VWA8: variants seen among roughly 807,000 people sequenced by gnomAD.
VWA8 encodes von Willebrand factor A domain-containing protein 8.
A neutral mutation model predicts 241.5 loss-of-function variants in VWA8; 221 were observed. The observed-to-expected ratio is 0.91, with a 90% confidence interval of 0.82 to 1.02. VWA8 has a LOEUF of 1.02. VWA8 is among the 50% of genes least tolerant of loss of function. The probability of loss-of-function intolerance (pLI) is 0.00; values close to 1 mark genes in which losing one functional copy is unlikely to be tolerated. For missense variants in VWA8, 2,322 were observed against 2,328.7 expected, an observed-to-expected ratio of 1.00 and a Z score of 0.06; for synonymous variants, 852 against 827.1, an observed-to-expected ratio of 1.03 and a Z score of -0.52.
At chr13:41,956,481 C>T (rs1449419863) in intron 1 of VWA8, among the ~76,000 whole-genome samples, 1 of 152,160 alleles carries the variant, frequency 6.6e-6, no homozygotes, top group Non-Finnish European at 1.5e-5. Flanking sequence ...TTCTTGAATA[C>T]ACAATGGGGT....
chr13:41,804,980 C>T (rs1870119109), intron 17 of VWA8, among the ~76,000 whole-genome samples: 1 of 151,888 alleles, frequency 6.6e-6, no homozygotes, highest in Non-Finnish European at 1.5e-5. Context: ...TAAAGGAAGA[C>T]AGAAAGTAAG....
chr13:41,727,413 T>C (rs562998864), intron 23 of VWA8, 100 bp from the exon 24 acceptor site: 159 of 991,878 alleles, frequency 1.6e-4, no homozygotes, highest in East Asian at 2.6e-4. Context: ...TACTGTTCAA[T>C]TGTAAAAAGC....
chr13:41,874,840 T>G (rs553742028), intron 9 of VWA8, among the ~76,000 whole-genome samples: 1 of 152,200 alleles, frequency 6.6e-6, no homozygotes, highest in East Asian at 1.9e-4. Flanking sequence ...TCATAGCCCC[T>G]CAGCAACAAA....
In VWA8 at chr13:41,727,265, T is replaced by C. The variant is rs2045444053; in HGVS notation, c.2687A>G (p.Asp896Gly). 1 of 1,559,524 alleles carries C rather than the reference T, an allele frequency of 6.4e-7. No individual in the cohort carries two copies. Among genetic ancestry groups the C allele is most frequent in the African/African-American group, 1.4e-5 (1 of 73,526 alleles). ...GRENVVVIHP[D>G]FRMIVLANRP... Reference sequence around the variant, plus strand: ...ATTTGCCAGAACAATCATCCTAAAATCAGGATGAATCACTACAACATTTTC... The same window carrying C: ...ATTTGCCAGAACAATCATCCTAAAACCAGGATGAATCACTACAACATTTTC... Residue 896 changes from aspartate to glycine, a missense_variant, in exon 24 of 45, where the codon GAT becomes GGT. Physicochemically the swap from Asp to Gly is moderately conservative, Grantham distance 94. Transcript: ENST00000379310.
intron 7 of VWA8, 74 bp downstream of exon 7, chr13:41,886,707 T>C (rs1874556264): frequency 1.6e-6 from 2 of 1,224,892 alleles, no homozygotes; most frequent in East Asian, 2.4e-5. Context: ...ACTGAATTAA[T>C]TAATCAATCA....
chr13:41,813,024 A>G (rs1870538295), intron 16 of VWA8, among the ~76,000 whole-genome samples: 1 of 152,178 alleles, frequency 6.6e-6, no homozygotes, highest in South Asian at 2.1e-4. Flanking sequence ...TGGAACCACA[A>G]GTAGAACATG....
intron 14 of VWA8, among the ~76,000 whole-genome samples, chr13:41,827,090 T>G (rs945800222): frequency 2.0e-5 from 3 of 151,826 alleles, no homozygotes; most frequent in African/African-American, 7.3e-5. Flanking sequence ...ACATTGTAAT[T>G]ACTTATTTAC....
chr13:41,835,313 A>G (rs939743184), intron 12 of VWA8, among the ~76,000 whole-genome samples: 2 of 152,230 alleles, frequency 1.3e-5, no homozygotes, highest in South Asian at 4.1e-4. Context: ...TTGAATCATA[A>G]AGACCTTTGA....
At chr13:41,712,956 C>T (rs1183383691) in intron 26 of VWA8, among the ~76,000 whole-genome samples, 1 of 152,150 alleles carries the variant, frequency 6.6e-6, no homozygotes, top group African/African-American at 2.4e-5. Context: ...GTGTTGTCTA[C>T]CCTCACTTGA....
At chr13:41,659,381 G>A (rs1231206412) in intron 37 of VWA8, among the ~76,000 whole-genome samples, 5 of 152,106 alleles carry the variant, frequency 3.3e-5, no homozygotes, top group African/African-American at 1.2e-4. Context: ...CTTTCATATA[G>A]TGTTTTTATA....
intron 21 of VWA8, among the ~76,000 whole-genome samples, chr13:41,755,726 C>T (rs928868956): frequency 2.6e-5 from 4 of 151,758 alleles, no homozygotes; most frequent in Non-Finnish European, 5.9e-5. Context: ...TGAATACCAT[C>T]TTCTTTTTGC....
At chr13:41,644,900 T>C (rs1428543799) in intron 37 of VWA8, among the ~76,000 whole-genome samples, 1 of 152,246 alleles carries the variant, frequency 6.6e-6, no homozygotes, top group Non-Finnish European at 1.5e-5. Flanking sequence ...AAAACTGGTT[T>C]CATTATTTAT....
At chr13:41,653,390 C>T (rs753195276) in intron 37 of VWA8, among the ~76,000 whole-genome samples, 1 of 152,146 alleles carries the variant, frequency 6.6e-6, no homozygotes, top group Non-Finnish European at 1.5e-5. Flanking sequence ...CTACAAAATA[C>T]TGCTGAAAGA....
At position 41,648,680 on chromosome 13, in the gene VWA8, A is replaced by G. The variant is rs2139686128; in HGVS notation, c.4611+22266T>C. ...TCAAATACTTTACATACAGACCTACAAAAACTTTTTCATCTTCTCAGGAGA... is the reference window on the plus strand; with the variant it reads ...TCAAATACTTTACATACAGACCTACGAAAACTTTTTCATCTTCTCAGGAGA... On this transcript the variant is annotated intron_variant, in intron 37 of 44. Transcript: ENST00000379310. Among the ~76,000 whole-genome samples, 3 of 152,322 alleles carry G rather than the reference A, an allele frequency of 2.0e-5. No individual in the cohort carries two copies. The South Asian group carries it at 6.2e-4, about 32-fold the overall frequency.
At chr13:41,687,707 C>A (rs2045146254) in intron 34 of VWA8, among the ~76,000 whole-genome samples, 1 of 152,070 alleles carries the variant, frequency 6.6e-6, no homozygotes, top group Non-Finnish European at 1.5e-5. Context: ...CAGCACACTG[C>A]CTATTCTGTT....
chr13:41,824,684 A>C (rs1871106115), intron 14 of VWA8, among the ~76,000 whole-genome samples: 1 of 152,008 alleles, frequency 6.6e-6, no homozygotes, highest in African/African-American at 2.4e-5. Flanking sequence ...ATTTTTAATT[A>C]GTCTAGTGTG....
chr13:41,806,876 C>CAA (rs78099965), intron 17 of VWA8, among the ~76,000 whole-genome samples: 10 of 93,626 alleles, frequency 1.1e-4, no homozygotes, highest in Non-Finnish European at 1.6e-4. Flanking sequence ...GACTCCATCT[C>CAA]AAAAAAAAAA....
intron 3 of VWA8, among the ~76,000 whole-genome samples, chr13:41,909,017 A>G (rs528679235): frequency 6.6e-6 from 1 of 151,578 alleles, no homozygotes; most frequent in Admixed American, 6.6e-5. Flanking sequence ...GCCTGTCCCC[A>G]TGTTACATAA....
At chr13:41,634,058 C>CA (rs1455538346) in intron 37 of VWA8, among the ~76,000 whole-genome samples, 1 of 152,166 alleles carries the variant, frequency 6.6e-6, no homozygotes, top group Non-Finnish European at 1.5e-5. Context: ...TTAGGCAGCA[C>CA]AAACTTTGAG....
Sources: allele counts gnomAD v4.1 joint callset (sites outside exome capture counted in the v4.1 genomes callset), GRCh38; gene constraint gnomAD v4.1.1; transcripts MANE v1.5; gene names NCBI Gene and HGNC (gene_info 2026-07-23, HGNC 2026-07-21).